The following TMCO6 variants were observed in gnomAD, a reference collection of about 807,000 sequenced individuals.
TMCO6 encodes transmembrane and coiled-coil domain-containing protein 6.
In TMCO6, 47 loss-of-function variants were observed where a neutral mutation model predicts 61.8. The observed-to-expected ratio is 0.76, with a 90% confidence interval of 0.60 to 0.97. TMCO6 has a LOEUF of 0.97. Among genes scored for constraint, TMCO6 ranks in the 50% least tolerant of loss-of-function variants. The pLI is 0.00. For missense variants in TMCO6, 557 were observed against 601.6 expected (o/e 0.93, Z 0.78); for synonymous variants, 261 against 254.2 (o/e 1.03, Z -0.25).
At chr5:140,642,813 T>C in intron 6 of TMCO6, 112 bp from the exon 7 acceptor site, 2 of 1,598,042 alleles carry the variant, frequency 1.3e-6, no homozygotes, top group Non-Finnish European at 1.7e-6. Flanking sequence ...TTGGACACTT[T>C]CCCATCTGGG....
At chr5:140,605,679 CA>C in the TMCO6 span, among the ~76,000 whole-genome samples, 3 of 136,890 alleles carry the variant, frequency 2.2e-5, no homozygotes, top group Admixed American at 1.5e-4. Context: ...GACTCTGTCT[CA>C]AAAAAAAACA....
Position 140,643,870 on chromosome 5 carries a change from C to G in TMCO6, c.1009C>G (p.Arg337Gly). ...AGGGCAAATGCAGCTCAGAGATGAG[C>G]GTGTTGTGGCAGCCTTATTTATCCT... Reference protein sequence around the residue: ...VGGQMQLRDERVVAALFILLQ... With the variant: ...VGGQMQLRDEGVVAALFILLQ... The change falls in exon 9 of 12, where the codon CGT (arginine) becomes GGT (glycine). Residue 337 changes from arginine (R) to glycine (G), a missense_variant. Arg to Gly is a moderately radical substitution (Grantham distance 125). Transcript: ENST00000394671. The G allele has an allele frequency of 6.2e-7, 1 of 1,614,198 alleles. No homozygotes were observed.
the TMCO6 span, among the ~76,000 whole-genome samples, chr5:140,599,523 A>T: frequency 1.3e-5 from 2 of 152,214 alleles, no homozygotes; most frequent in African/African-American, 4.8e-5. Context: ...TCCAAACAAG[A>T]TGCTGCACAT....
chr5:140,605,692 AACAC>A, the TMCO6 span, among the ~76,000 whole-genome samples: 3,626 of 118,618 alleles, frequency 0.031, 64 homozygotes, highest in Non-Finnish European at 0.033. Flanking sequence ...AAAAAAACAA[AACAC>A]ACACACACAC....
Position 140,642,424 on chromosome 5 carries a change from C to G in TMCO6, c.603+5C>G. 1 of 1,611,606 alleles carries G rather than the reference C, an allele frequency of 6.2e-7. No homozygotes were observed. The highest frequency in any genetic ancestry group is 8.5e-7 in the Non-Finnish European group (1 of 1,178,688). ...GCCTTGGCTGCCTGCATCCAGGTGA[C>G]TCCTTTCTTCCTCCCTGGGCAACCC... is the stretch of plus-strand genomic sequence containing the variant. On this transcript the variant is annotated splice_donor_5th_base_variant and intron_variant, in intron 5 of 11. Transcript: ENST00000394671.
chr5:140,630,769 C>T, the TMCO6 span, among the ~76,000 whole-genome samples: 1 of 152,244 alleles, frequency 6.6e-6, no homozygotes, highest in South Asian at 2.1e-4. Context: ...ATGTCTGTAA[C>T]TCTCTTATCA....
chr5:140,617,731 CAAAA>C, the TMCO6 span, among the ~76,000 whole-genome samples: 1 of 119,196 alleles, frequency 8.4e-6, no homozygotes, highest in Non-Finnish European at 1.8e-5. Context: ...GAGTCTCTGT[CAAAA>C]AAAAAAAAAA....
downstream of TMCO6, chr5:140,647,545 C>G (rs752340193): frequency 1.2e-6 from 2 of 1,612,090 alleles, no homozygotes; most frequent in Non-Finnish European, 8.5e-7. Flanking sequence ...GCAGGCCCAG[C>G]TTTGCCCCGA....
the TMCO6 span, among the ~76,000 whole-genome samples, chr5:140,605,736 C>G: frequency 2.6e-5 from 1 of 38,660 alleles, no homozygotes; most frequent in Non-Finnish European, 6.4e-5. Flanking sequence ...CACACACACA[C>G]ACAAAGAAAG....
the TMCO6 span, among the ~76,000 whole-genome samples, chr5:140,599,998 A>G: frequency 6.6e-6 from 1 of 152,114 alleles, no homozygotes; most frequent in Non-Finnish European, 1.5e-5. Flanking sequence ...TAGGGGAAAA[A>G]GTCTATCTGC....
the TMCO6 span, among the ~76,000 whole-genome samples, chr5:140,627,743 G>A: frequency 8.0e-6 from 1 of 124,538 alleles, no homozygotes; most frequent in Non-Finnish European, 1.7e-5. Context: ...TTTTTTTTTT[G>A]AGATTAGCCA....
the TMCO6 span, chr5:140,632,875 T>C: frequency 1.2e-6 from 2 of 1,614,016 alleles, no homozygotes; most frequent in African/African-American, 2.7e-5. This position sits in a 1 kb window ranked among gnomAD's most constrained non-coding sequence, Gnocchi z 6.2. Context: ...TCGGAGAAGT[T>C]GCAGACGCAG....
Position 140,643,873 on chromosome 5 carries a change from G to A in TMCO6, c.1012G>A (p.Val338Ile). 1 of 1,614,236 alleles carries A rather than the reference G, an allele frequency of 6.2e-7. No individual in the cohort carries two copies. The highest frequency in any genetic ancestry group is 8.5e-7 in the Non-Finnish European group (1 of 1,180,050). ...GGQMQLRDER[V>I]VAALFILLQF... ...GCAAATGCAGCTCAGAGATGAGCGT[G>A]TTGTGGCAGCCTTATTTATCCTTCT... The change falls in exon 9 of 12, where the codon GTT (valine) becomes ATT (isoleucine). Residue 338 changes from valine to isoleucine, a missense_variant. Transcript: ENST00000394671.
chr5:140,638,560 TC>T (rs1756835048), upstream of TMCO6, among the ~76,000 whole-genome samples: 2 of 122,578 alleles, frequency 1.6e-5, no homozygotes, highest in Admixed American at 1.7e-4. Flanking sequence ...TTTCTTTCTT[TC>T]TTTCTTTTTT....
chr5:140,616,788 G>C, the TMCO6 span, among the ~76,000 whole-genome samples: 1 of 152,070 alleles, frequency 6.6e-6, no homozygotes, highest in Non-Finnish European at 1.5e-5. Flanking sequence ...ACTGATGCCT[G>C]TAATCACAGC....
At chr5:140,626,616 A>G in the TMCO6 span, among the ~76,000 whole-genome samples, 21 of 152,200 alleles carry the variant, frequency 1.4e-4, no homozygotes, top group African/African-American at 3.9e-4. Context: ...TTGTGTCTCT[A>G]TCTATTATCA....
chr5:140,619,002 A>G, the TMCO6 span, among the ~76,000 whole-genome samples: 1 of 152,342 alleles, frequency 6.6e-6, no homozygotes, highest in South Asian at 2.1e-4. Context: ...AGTCTCCTCT[A>G]TGAAAGACAT....
At position 140,639,538 on chromosome 5, in the gene TMCO6, G is replaced by A; in HGVS notation, c.11G>A (p.Arg4Gln). ...TCCTCCTGCTCCACCATGTGGAGCC[G>A]ACGGCAGGGCCGCCTCAGGCCCACG... MWS[R>Q]RQGRLRPTVC... is the part of the protein sequence containing the mutation. Residue 4 changes from arginine to glutamine, a missense_variant, in exon 1 of 12, where the codon CGA (arginine) becomes CAA (glutamine). Transcript: ENST00000394671. 6.5e-7 allele frequency: 1 copy of A among 1,549,894 alleles called. No homozygotes were observed. The highest frequency in any genetic ancestry group is 8.7e-7 in the Non-Finnish European group (1 of 1,146,600).
chr5:140,612,189 A>C, the TMCO6 span, among the ~76,000 whole-genome samples: 6 of 152,212 alleles, frequency 3.9e-5, no homozygotes, highest in African/African-American at 1.4e-4. Flanking sequence ...AAAGTCTGTC[A>C]CATCACACCA....
Sources: gnomAD v4.1 joint callset for allele counts (sites outside exome capture counted in the v4.1 genomes callset) on GRCh38, gnomAD v4.1.1 for gene constraint, Gnocchi (gnomAD v3.1) non-coding constraint, MANE v1.5 for transcripts, NCBI Gene and HGNC (gene_info 2026-07-23, HGNC 2026-07-21) for gene names.